The following ASPRV1 variants were observed in gnomAD, a reference collection of about 807,000 sequenced individuals.
ASPRV1 encodes the protein retroviral-like aspartic protease 1.
In ASPRV1, 7 loss-of-function variants were observed where a neutral mutation model predicts 11.0. That is an observed-to-expected ratio of 0.64 (90% confidence interval 0.36 to 1.20). ASPRV1 has a LOEUF of 1.20. Ranked by LOEUF, ASPRV1 falls within the 50% of genes most tolerant of loss-of-function variation. The pLI, the probability that ASPRV1 is intolerant of heterozygous loss-of-function variation, is 0.02. For synonymous variants in ASPRV1, 136 were observed against 138.4 expected, an observed-to-expected ratio of 0.98 and a Z score of 0.12; for missense variants, 299 against 320.0, an observed-to-expected ratio of 0.93 and a Z score of 0.50.
chr2:70,075,988 C>CCTAT, the ASPRV1 span, among the ~76,000 whole-genome samples: 1 of 152,184 alleles, frequency 6.6e-6, no homozygotes, highest in African/African-American at 2.4e-5. Flanking sequence ...AGCACTGAGA[C>CCTAT]ATAGGTGTTT....
chr2:69,961,224 G>C lies in ASPRV1; in HGVS notation c.213C>G (p.Pro71=). 1 of 1,614,070 alleles carries C rather than the reference G, an allele frequency of 6.2e-7. No homozygotes were observed. The highest frequency in any genetic ancestry group is 8.5e-7 in the Non-Finnish European group (1 of 1,179,974). The part of the protein sequence containing the change: ...EALGVYNRLS[P]QDQGDYGTVK... ...CAGTCCCATAGTCTCCCTGGTCCTG[G>C]GGACTGAGCCTATTGTAGACACCCA... The change falls in exon 1 of 1, where the codon CCC becomes CCG. Residue 71 remains proline, a synonymous_variant. Coordinates refer to ENST00000320256, the MANE Select transcript of ASPRV1 (RefSeq NM_152792.4).
chr2:70,022,832 AT>A, the ASPRV1 span, among the ~76,000 whole-genome samples: 1 of 152,142 alleles, frequency 6.6e-6, no homozygotes, highest in Non-Finnish European at 1.5e-5. Flanking sequence ...AATGCATACT[AT>A]TTTTTGTGTA....
chr2:69,984,672 G>A, the ASPRV1 span, among the ~76,000 whole-genome samples: 1 of 124,480 alleles, frequency 8.0e-6, no homozygotes, highest in Non-Finnish European at 1.6e-5. Flanking sequence ...CCAGGCTGGA[G>A]TGCAATATTG....
the ASPRV1 span, among the ~76,000 whole-genome samples, chr2:70,044,551 G>C: frequency 0.23 from 34,634 of 152,110 alleles, 6,995 homozygotes; most frequent in African/African-American, 0.51. Context: ...CCACCGCCTC[G>C]CGGATTCAGG....
chr2:69,960,592 GC>G lies in ASPRV1; in HGVS notation c.*64del, dbSNP rs1678051638. 1 of 1,494,988 alleles carries G rather than the reference GC, an allele frequency of 6.7e-7. No homozygotes were observed. The highest frequency in any genetic ancestry group is 1.5e-5 in the African/African-American group (1 of 67,846). The allele number at this position is 1,494,988 out of a possible 1,614,324, so 92.6% of individuals were successfully genotyped here. On this transcript the variant is annotated 3_prime_UTR_variant, in exon 1 of 1. Coordinates refer to ENST00000320256, the MANE Select transcript of ASPRV1 (RefSeq NM_152792.4). The stretch of plus-strand genomic sequence containing the variant: ...AGCCCAGTGACCCCCATGAGGATAT[GC>G]AACCCCCCCCACAGCGGTGGGTCTT...
the ASPRV1 span, among the ~76,000 whole-genome samples, chr2:70,019,686 T>A: frequency 1.3e-5 from 2 of 152,104 alleles, no homozygotes; most frequent in Non-Finnish European, 2.9e-5. Flanking sequence ...CCACATGACC[T>A]CACTTATATA....
chr2:70,062,100 C>T, the ASPRV1 span, among the ~76,000 whole-genome samples: 4 of 151,340 alleles, frequency 2.6e-5, no homozygotes, highest in African/African-American at 9.7e-5. Flanking sequence ...CCAGCCTGGC[C>T]AACATAGTGA....
At chr2:69,964,151 G>T (rs1462824003), upstream of ASPRV1, 6 of 278,948 alleles carry the variant, frequency 2.2e-5, no homozygotes, top group Admixed American at 2.4e-4. Context: ...GGCTGGTGAT[G>T]AACAAGTTTA....
chr2:69,935,279 A>T, the ASPRV1 span: 1 of 1,066,220 alleles, frequency 9.4e-7, no homozygotes, highest in Non-Finnish European at 1.4e-6. Context: ...ACTCTTTGAG[A>T]ACTCATTCTG....
chr2:70,064,245 C>G, the ASPRV1 span, among the ~76,000 whole-genome samples: 28 of 152,218 alleles, frequency 1.8e-4, no homozygotes, highest in African/African-American at 5.1e-4. Flanking sequence ...TAAAACTCAC[C>G]CTGACATCCT....
chr2:70,052,042 A>G, the ASPRV1 span, among the ~76,000 whole-genome samples: 2 of 152,138 alleles, frequency 1.3e-5, no homozygotes, highest in African/African-American at 4.8e-5. Context: ...CTAGCATAAT[A>G]AAACAATCTT....
the ASPRV1 span, chr2:69,941,132 GA>G: frequency 2.6e-5 from 4 of 152,128 alleles, no homozygotes; most frequent in Admixed American, 6.5e-5. Context: ...ATTTTTATGT[GA>G]AAGTTGATTT....
At chr2:70,010,903 T>C in the ASPRV1 span, among the ~76,000 whole-genome samples, 55 of 152,288 alleles carry the variant, frequency 3.6e-4, no homozygotes, top group African/African-American at 1.3e-3. Context: ...ATCTGTTATG[T>C]CCTATGTTGT....
chr2:70,070,331 GA>G, the ASPRV1 span: 2 of 152,118 alleles, frequency 1.3e-5, no homozygotes, highest in South Asian at 4.1e-4. Flanking sequence ...TGTATCACCA[GA>G]AACTCAAAAC....
the ASPRV1 span, among the ~76,000 whole-genome samples, chr2:70,002,779 G>C: frequency 6.6e-6 from 1 of 152,162 alleles, no homozygotes; most frequent in East Asian, 1.9e-4. Flanking sequence ...TTCTGAGAAA[G>C]TACCTCCTTT....
At chr2:70,072,480 T>C in the ASPRV1 span, among the ~76,000 whole-genome samples, 1 of 147,724 alleles carries the variant, frequency 6.8e-6, no homozygotes, top group Non-Finnish European at 1.5e-5. Flanking sequence ...CCCAGCACTT[T>C]GGGAGGCCGA....
At position 69,960,944 on chromosome 2, in the gene ASPRV1, C is replaced by CA. The variant is rs1008148767; in HGVS notation, c.492dup (p.Ala165CysfsTer2). 4 of 1,614,000 alleles carry CA rather than the reference C, an allele frequency of 2.5e-6. No homozygotes were observed. The highest frequency in any genetic ancestry group is 3.4e-6 in the Non-Finnish European group (4 of 1,180,008). On this transcript the variant is annotated frameshift_variant, in exon 1 of 1. Coordinates refer to ENST00000320256, the MANE Select transcript of ASPRV1 (RefSeq NM_152792.4). LOFTEE classifies it high-confidence loss of function. Reference sequence around the variant, plus strand: ...CAGACACCCAGGATCTTCATTTCAGCACCATTGGCCACCTTTACCACATTC... The same window carrying CA: ...CAGACACCCAGGATCTTCATTTCAGCAACCATTGGCCACCTTTACCACATTC...
the ASPRV1 span, among the ~76,000 whole-genome samples, chr2:70,042,358 G>A: frequency 6.6e-6 from 1 of 152,048 alleles, no homozygotes; most frequent in African/African-American, 2.4e-5. Flanking sequence ...TCTGTGCATG[G>A]ACAGAACTCT....
the ASPRV1 span, among the ~76,000 whole-genome samples, chr2:70,076,504 T>TCAC: frequency 0.018 from 2,708 of 152,292 alleles, 98 homozygotes; most frequent in African/African-American, 0.062. Flanking sequence ...CATTTAACCG[T>TCAC]CACCACCATC....
Sources: gnomAD v4.1 joint callset for allele counts (sites outside exome capture counted in the v4.1 genomes callset) on GRCh38, gnomAD v4.1.1 for gene constraint, MANE v1.5 for transcripts, NCBI Gene and HGNC (gene_info 2026-07-23, HGNC 2026-07-21) for gene names.